The following C3orf70 variants were observed in gnomAD, a reference collection of about 807,000 sequenced individuals.
C3orf70 encodes UPF0524 protein C3orf70.
Under a neutral mutation model 20.7 loss-of-function variants are expected in C3orf70, and 15 were observed. That is an observed-to-expected ratio of 0.72 (90% CI 0.48 to 1.11). The LOEUF is 1.11. C3orf70 is among the 50% of genes most tolerant of loss of function. The pLI, the probability that C3orf70 is intolerant of heterozygous loss-of-function variation, is 0.00. For synonymous variants in C3orf70, 161 were observed against 125.7 expected (o/e 1.28, Z -1.88); for missense variants, 332 against 317.6 (o/e 1.05, Z -0.34).
intron 1 of C3orf70, among the ~76,000 whole-genome samples, chr3:185,124,299 A>T (rs1716366133): frequency 6.6e-6 from 1 of 152,220 alleles, no homozygotes; most frequent in Non-Finnish European, 1.5e-5. Context: ...TTCCAAATTG[A>T]TACACAAATT....
chr3:185,092,116 ATTGT>A (rs1715604068), intron 1 of C3orf70, among the ~76,000 whole-genome samples: 1 of 151,092 alleles, frequency 6.6e-6, no homozygotes, highest in Non-Finnish European at 1.5e-5. Flanking sequence ...CATTTTTGAA[ATTGT>A]TTATCTCATA....
intron 1 of C3orf70, among the ~76,000 whole-genome samples, chr3:185,130,707 T>C (rs1322090644): frequency 6.6e-6 from 1 of 152,232 alleles, no homozygotes; most frequent in Non-Finnish European, 1.5e-5. Flanking sequence ...AGTGGAATCA[T>C]ACGATATGTT....
At chr3:185,111,392 A>G (rs1426732757) in intron 1 of C3orf70, among the ~76,000 whole-genome samples, 1 of 152,230 alleles carries the variant, frequency 6.6e-6, no homozygotes, top group Non-Finnish European at 1.5e-5. Flanking sequence ...AGAATTCAAT[A>G]AGAAGACAAT....
At chr3:185,101,046 C>T (rs1298648644) in intron 1 of C3orf70, among the ~76,000 whole-genome samples, 1 of 151,684 alleles carries the variant, frequency 6.6e-6, no homozygotes, top group East Asian at 1.9e-4. Flanking sequence ...AATAAATAGC[C>T]CACCAATTAA....
At chr3:185,126,623 A>G (rs988048722) in intron 1 of C3orf70, among the ~76,000 whole-genome samples, 1 of 152,226 alleles carries the variant, frequency 6.6e-6, no homozygotes, top group African/African-American at 2.4e-5. Context: ...CTTATCATAA[A>G]CCCAAGAAAT....
intron 1 of C3orf70, among the ~76,000 whole-genome samples, chr3:185,131,888 T>G (rs1716530080): frequency 6.6e-6 from 1 of 152,212 alleles, no homozygotes; most frequent in Non-Finnish European, 1.5e-5. Context: ...AAAGTTATCA[T>G]CAGTGTAAGA....
chr3:185,101,645 G>A (rs2108592679), intron 1 of C3orf70, among the ~76,000 whole-genome samples: 1 of 152,272 alleles, frequency 6.6e-6, no homozygotes, highest in East Asian at 1.9e-4. Context: ...AGGAGAGAAA[G>A]TGATGGAGGA....
At chr3:185,112,306 A>G (rs1577325906) in intron 1 of C3orf70, among the ~76,000 whole-genome samples, 1 of 152,258 alleles carries the variant, frequency 6.6e-6, no homozygotes, top group East Asian at 1.9e-4. Context: ...AATAAATAGA[A>G]GTCACTCGTG....
intron 1 of C3orf70, among the ~76,000 whole-genome samples, chr3:185,118,832 TAAGTC>T (rs747126739): frequency 7.0e-4 from 107 of 152,174 alleles, no homozygotes; most frequent in Non-Finnish European, 1.4e-3. Flanking sequence ...CTACGCAAGT[TAAGTC>T]ATTTTAAAAT....
At chr3:185,150,423 C>A (rs1401332741) in intron 1 of C3orf70, among the ~76,000 whole-genome samples, 7 of 152,026 alleles carry the variant, frequency 4.6e-5, no homozygotes, top group Non-Finnish European at 8.8e-5. Context: ...CACACACACA[C>A]AAAATTAGGC....
intron 1 of C3orf70, among the ~76,000 whole-genome samples, chr3:185,091,963 ATTTTT>A (rs146504613): frequency 0.16 from 2,325 of 14,358 alleles, 144 homozygotes; most frequent in Non-Finnish European, 0.18. Context: ...ATATATATAT[ATTTTT>A]TTTTTTTTTT....
chr3:185,089,681 T>C (rs1715525822), intron 1 of C3orf70, among the ~76,000 whole-genome samples: 1 of 152,196 alleles, frequency 6.6e-6, no homozygotes, highest in Non-Finnish European at 1.5e-5. Flanking sequence ...ACTCATTAAC[T>C]TATCTTTAAT....
chr3:185,086,207 C>T (rs1715456596), intron 1 of C3orf70, among the ~76,000 whole-genome samples: 1 of 152,000 alleles, frequency 6.6e-6, no homozygotes, highest in East Asian at 1.9e-4. Flanking sequence ...TTTTCCTTCC[C>T]CTCCTTTATG....
intron 1 of C3orf70, among the ~76,000 whole-genome samples, chr3:185,123,104 G>C (rs1024415740): frequency 1.3e-5 from 2 of 148,424 alleles, no homozygotes; most frequent in African/African-American, 5.2e-5. Context: ...CTTGAACCTG[G>C]GAGGACAGAG....
At chr3:185,092,726 C>T (rs1399160044) in intron 1 of C3orf70, among the ~76,000 whole-genome samples, 2 of 152,162 alleles carry the variant, frequency 1.3e-5, no homozygotes, top group East Asian at 3.9e-4. Context: ...GGCACGGTGG[C>T]TCATACCTGT....
In C3orf70 at chr3:185,083,487, G is replaced by C. The variant is rs759748359; in HGVS notation, c.273C>G (p.Pro91=). The change falls in exon 2 of 2, where the codon CCC becomes CCG. Residue 91 remains proline (P), a synonymous_variant. Coordinates refer to ENST00000335012, the MANE Select transcript of C3orf70 (RefSeq NM_001025266.3). ...AGACTGAGATCTGAATGGTGTTTGT[G>C]GGTTCCCGAGGCCTGGCAGGAATCT... is the stretch of plus-strand genomic sequence containing the variant. ...STEIPARPRE[P]TNTIQISVSL... 6.2e-7 allele frequency: 1 copy of C among 1,613,934 alleles called. No individual in the cohort carries two copies. Among genetic ancestry groups the C allele is most frequent in the Non-Finnish European group, 8.5e-7 (1 of 1,180,000 alleles).
chr3:185,112,122 C>T (rs1716084877), intron 1 of C3orf70, among the ~76,000 whole-genome samples: 1 of 152,078 alleles, frequency 6.6e-6, no homozygotes, highest in Admixed American at 6.6e-5. Flanking sequence ...GAAATCCTGT[C>T]TCTACTTAAA....
intron 1 of C3orf70, among the ~76,000 whole-genome samples, chr3:185,135,296 G>A (rs1482394032): frequency 2.0e-5 from 3 of 152,126 alleles, no homozygotes; most frequent in African/African-American, 7.2e-5. Context: ...GAAAGCCTCA[G>A]AAAAGAAATA....
At chr3:185,137,634 C>T (rs1716654605) in intron 1 of C3orf70, among the ~76,000 whole-genome samples, 1 of 152,142 alleles carries the variant, frequency 6.6e-6, no homozygotes, top group African/African-American at 2.4e-5. Flanking sequence ...AATCTCCAAA[C>T]ACTTGGGATA....
Sources: allele counts gnomAD v4.1 joint callset (sites outside exome capture counted in the v4.1 genomes callset), GRCh38; gene constraint gnomAD v4.1.1; transcripts MANE v1.5; gene names NCBI Gene and HGNC (gene_info 2026-07-23, HGNC 2026-07-21).